Variants in UBASH3B observed in about 807,000 individuals in gnomAD.
UBASH3B encodes the protein ubiquitin-associated and SH3 domain-containing protein B.
UBASH3B carries 37 observed loss-of-function variants against 83.4 expected under a neutral mutation model. The observed-to-expected ratio is 0.44, with a 90% confidence interval of 0.34 to 0.58. The LOEUF (loss-of-function observed/expected upper bound fraction) is 0.58, where lower values mean the gene tolerates loss of function less well. Ranked by LOEUF, UBASH3B falls within the 20% of genes least tolerant of loss-of-function variation. The probability of loss-of-function intolerance (pLI) is 0.01; values close to 1 mark genes in which losing one functional copy is unlikely to be tolerated. For synonymous variants in UBASH3B, 304 were observed against 318.3 expected (o/e 0.96, Z 0.48); for missense variants, 657 against 827.2 (o/e 0.79, Z 2.52).
chr11:122,804,750 G>A (rs1280241146), intron 11 of UBASH3B, among the ~76,000 whole-genome samples: 2 of 152,168 alleles, frequency 1.3e-5, no homozygotes, highest in Non-Finnish European at 2.9e-5. Context: ...AAGAGGCCAT[G>A]TGAATTCATT....
At chr11:122,773,947 C>A in intron 1 of UBASH3B, 1 of 984,496 alleles carries the variant, frequency 1.0e-6, no homozygotes. Context: ...TTCCTTTTCC[C>A]AGTTGTTTTT....
At chr11:122,695,845 T>A (rs1333565194) in intron 1 of UBASH3B, among the ~76,000 whole-genome samples, 1 of 152,240 alleles carries the variant, frequency 6.6e-6, no homozygotes, top group African/African-American at 2.4e-5. Context: ...AAGTTTTCAT[T>A]TAGAGCTACG....
intron 1 of UBASH3B, among the ~76,000 whole-genome samples, chr11:122,674,910 G>A (rs947826612): frequency 1.3e-5 from 2 of 151,732 alleles, no homozygotes; most frequent in African/African-American, 4.8e-5. Flanking sequence ...CGTATTTTTT[G>A]TAGAGACAGG....
chr11:122,668,899 A>C (rs554550149), intron 1 of UBASH3B, among the ~76,000 whole-genome samples: 1 of 152,274 alleles, frequency 6.6e-6, no homozygotes, highest in African/African-American at 2.4e-5. Context: ...ACTGTTTCAG[A>C]GAGGCTAATT....
At chr11:122,794,415 C>A (rs1861116276) in intron 6 of UBASH3B, among the ~76,000 whole-genome samples, 1 of 152,152 alleles carries the variant, frequency 6.6e-6, no homozygotes, top group Non-Finnish European at 1.5e-5. Context: ...CCACATTGGC[C>A]AGGCTGGTCT....
At chr11:122,663,654 C>T (rs138457019) in intron 1 of UBASH3B, among the ~76,000 whole-genome samples, 43 of 152,306 alleles carry the variant, frequency 2.8e-4, no homozygotes, top group Middle Eastern at 3.4e-3. Context: ...CAATCCCAGC[C>T]GGCATAAGCC....
intron 1 of UBASH3B, among the ~76,000 whole-genome samples, chr11:122,746,445 C>A (rs150066246): frequency 6.6e-6 from 1 of 152,088 alleles, no homozygotes; most frequent in Admixed American, 6.6e-5. Context: ...ATGGTGCCTC[C>A]GGGTGATTAA....
At chr11:122,690,214 T>TAAAATTATATA in intron 1 of UBASH3B, among the ~76,000 whole-genome samples, 1 of 52,684 alleles carries the variant, frequency 1.9e-5, no homozygotes, top group South Asian at 6.7e-4. Flanking sequence ...ATATATCCAA[T>TAAAATTATATA]TATATATATA....
intron 1 of UBASH3B, among the ~76,000 whole-genome samples, chr11:122,702,976 T>C (rs1177444515): frequency 6.6e-6 from 1 of 152,214 alleles, no homozygotes; most frequent in Non-Finnish European, 1.5e-5. Flanking sequence ...TATTCACTCA[T>C]TCTATAAACA....
At chr11:122,757,988 G>A (rs752577706) in intron 1 of UBASH3B, among the ~76,000 whole-genome samples, 1 of 152,180 alleles carries the variant, frequency 6.6e-6, no homozygotes, top group South Asian at 2.1e-4. Flanking sequence ...TTACAGGCGT[G>A]AGCCACCGCA....
chr11:122,693,948 G>C (rs1383006996), intron 1 of UBASH3B, among the ~76,000 whole-genome samples: 1 of 152,184 alleles, frequency 6.6e-6, no homozygotes, highest in Non-Finnish European at 1.5e-5. Context: ...ACCCAGTTGT[G>C]TTGTGTGCTT....
chr11:122,744,273 G>A (rs1192547952), intron 1 of UBASH3B, among the ~76,000 whole-genome samples: 1 of 152,162 alleles, frequency 6.6e-6, no homozygotes, highest in African/African-American at 2.4e-5. Flanking sequence ...GTGTGAGCCT[G>A]TGTGCGCACA....
At chr11:122,688,745 C>T (rs1338494174) in intron 1 of UBASH3B, among the ~76,000 whole-genome samples, 1 of 151,872 alleles carries the variant, frequency 6.6e-6, no homozygotes, top group African/African-American at 2.4e-5. Flanking sequence ...CCCGGGTTCA[C>T]CCCATTCTCC....
chr11:122,729,975 TAAAAAAA>T (rs34778631), intron 1 of UBASH3B, among the ~76,000 whole-genome samples: 17 of 27,964 alleles, frequency 6.1e-4, no homozygotes, highest in African/African-American at 2.7e-3. Context: ...AGACCCTATC[TAAAAAAA>T]AAAAAAAAAA....
chr11:122,779,295 C>T (rs895641057), intron 3 of UBASH3B: 34 of 627,342 alleles, frequency 5.4e-5, no homozygotes, highest in Non-Finnish European at 7.3e-5. Context: ...CATGTGTTCC[C>T]CACATTAATC....
intron 1 of UBASH3B, among the ~76,000 whole-genome samples, chr11:122,751,117 A>ATTCG (rs989485209): frequency 6.6e-6 from 1 of 151,768 alleles, no homozygotes; most frequent in Non-Finnish European, 1.5e-5. Flanking sequence ...CCGGCCTCTC[A>ATTCG]TGTTTTGGGA....
intron 1 of UBASH3B, among the ~76,000 whole-genome samples, chr11:122,684,916 G>A (rs918203879): frequency 2.6e-5 from 4 of 152,080 alleles, no homozygotes; most frequent in African/African-American, 7.2e-5. Flanking sequence ...TTTTTTAAGA[G>A]AGCCTTTCAA....
intron 1 of UBASH3B, among the ~76,000 whole-genome samples, chr11:122,737,758 T>C (rs1411492681): frequency 6.7e-6 from 1 of 149,410 alleles, no homozygotes; most frequent in African/African-American, 2.4e-5. Flanking sequence ...AAGCAAGATA[T>C]TCAAGTGGAG....
chr11:122,787,185 A>G (rs1402199911), intron 5 of UBASH3B, among the ~76,000 whole-genome samples: 1 of 152,238 alleles, frequency 6.6e-6, no homozygotes, highest in East Asian at 1.9e-4. Flanking sequence ...CAGAAAAAAA[A>G]GAATGTTCCT....
Sources: gnomAD v4.1 joint callset for allele counts (sites outside exome capture counted in the v4.1 genomes callset) on GRCh38, gnomAD v4.1.1 for gene constraint, MANE v1.5 for transcripts, NCBI Gene and HGNC (gene_info 2026-07-23, HGNC 2026-07-21) for gene names.